The following CRPPA variants were observed in gnomAD, a reference collection of about 807,000 sequenced individuals.
CRPPA encodes the protein CDP-L-ribitol pyrophosphorylase A, also known as D-ribitol-5-phosphate cytidylyltransferase.
Under a neutral mutation model 52.0 loss-of-function variants are expected in CRPPA, and 43 were observed. That is an observed-to-expected ratio of 0.83 (90% CI 0.65 to 1.07). CRPPA has a LOEUF of 1.07. Among genes scored for constraint, CRPPA ranks in the 50% least tolerant of loss-of-function variants. The pLI is 0.00. For synonymous variants in CRPPA, 250 were observed against 203.5 expected (o/e 1.23, Z -1.94); for missense variants, 629 against 551.7 (o/e 1.14, Z -1.40).
intron 4 of CRPPA, among the ~76,000 whole-genome samples, chr7:16,304,938 G>T (rs932899401): frequency 7.9e-5 from 12 of 152,122 alleles, no homozygotes; most frequent in African/African-American, 2.2e-4. Context: ...CAAGTACATG[G>T]CCATGCCATC....
chr7:16,169,983 C>T (rs758882019), intron 9 of CRPPA, among the ~76,000 whole-genome samples: 22 of 152,104 alleles, frequency 1.4e-4, no homozygotes, highest in Non-Finnish European at 2.8e-4. Context: ...TTTTCTGTGA[C>T]CAGCAGCTAG....
At chr7:16,207,951 T>A (rs1467113780) in intron 9 of CRPPA, among the ~76,000 whole-genome samples, 1 of 152,196 alleles carries the variant, frequency 6.6e-6, no homozygotes, top group African/African-American at 2.4e-5. Flanking sequence ...TCTTTTTGTT[T>A]CTATTCCTCT....
chr7:16,363,796 C>A (rs753121905), intron 3 of CRPPA, among the ~76,000 whole-genome samples: 1 of 152,006 alleles, frequency 6.6e-6, no homozygotes, highest in East Asian at 1.9e-4. Flanking sequence ...GTCGTTATTG[C>A]AGACAATACA....
chr7:16,138,659 C>T (rs1233673301), intron 9 of CRPPA, among the ~76,000 whole-genome samples: 2 of 152,056 alleles, frequency 1.3e-5, no homozygotes, highest in African/African-American at 4.8e-5. Context: ...AAAATGTCTA[C>T]ATCTTATAAA....
chr7:16,090,557 A>AG lies in CRPPA; in HGVS notation c.*1137_*1138insC, dbSNP rs1781815779. On this transcript the variant is annotated 3_prime_UTR_variant, in exon 10 of 10. Transcript: ENST00000407010. ...CTTCTCTACTAAAAATACAAAAAAA[A>AG]AAAAAAAAAAAAAAAATTAGCCAGG... 7.1e-6 allele frequency: 1 copy of AG among 141,406 alleles called. No individual in the cohort carries two copies. The highest frequency in any genetic ancestry group is 2.5e-5 in the African/African-American group (1 of 39,910). 8.8% of individuals were successfully genotyped at this position (141,406 alleles called of 1,614,324 possible). A position where few individuals can be genotyped will look rare whatever the true frequency, so the allele number is the denominator to read the frequency against.
chr7:16,286,097 A>AAATATATATATATATAT lies in CRPPA; in HGVS notation c.836-7872_836-7871insATATATATATATATATT. On this transcript the variant is annotated intron_variant, in intron 5 of 9. Coordinates refer to ENST00000407010, the MANE Select transcript of CRPPA (RefSeq NM_001101426.4). The stretch of plus-strand genomic sequence containing the variant: ...TATATATATAATATTTAAAAAAAAA[A>AAATATATATATATATAT]ATATATATATATATATATATGCCAA... Among the ~76,000 whole-genome samples the AAATATATATATATATAT allele has an allele frequency of 2.8e-4, 11 of 39,118 alleles. 1 individual carries two copies. Among genetic ancestry groups the AAATATATATATATATAT allele is most frequent in the Admixed American group, 3.3e-4 (1 of 3,052 alleles). The allele number at this position is 39,118 out of a possible 152,430, so 25.7% of individuals were successfully genotyped here.
intron 3 of CRPPA, among the ~76,000 whole-genome samples, chr7:16,356,865 T>C (rs1201327922): frequency 6.6e-6 from 1 of 152,218 alleles, no homozygotes; most frequent in Non-Finnish European, 1.5e-5. Context: ...AATGATGTTT[T>C]ACATTTAGAG....
At position 16,380,623 on chromosome 7, in the gene CRPPA, A is replaced by C. The variant is rs567131688; in HGVS notation, c.535-4382T>G. Among the ~76,000 whole-genome samples the C allele has an allele frequency of 2.0e-4, 31 of 151,576 alleles. No homozygotes were observed. In the East Asian group the frequency reaches 6.0e-3, roughly 29 times the overall value. On this transcript the variant is annotated intron_variant, in intron 2 of 9. Coordinates refer to ENST00000407010, the MANE Select transcript of CRPPA (RefSeq NM_001101426.4). ...CGGCTGTGAATCCATCTGGTCCTGG[A>C]CTCTTTTTGATTGGTAAGCTATTGA...
chr7:16,133,316 CAA>C (rs35315600), intron 9 of CRPPA, among the ~76,000 whole-genome samples: 1 of 101,408 alleles, frequency 9.9e-6, no homozygotes, highest in Non-Finnish European at 2.2e-5. Flanking sequence ...GCATCTGTCT[CAA>C]AAAAAAAAAA....
intron 5 of CRPPA, among the ~76,000 whole-genome samples, chr7:16,291,291 A>T (rs1784558474): frequency 6.6e-6 from 1 of 151,948 alleles, no homozygotes; most frequent in South Asian, 2.1e-4. Flanking sequence ...ATGTACCCCA[A>T]TGTTTGTTGC....
At chr7:16,123,635 C>A (rs960158167) in intron 9 of CRPPA, among the ~76,000 whole-genome samples, 3 of 152,096 alleles carry the variant, frequency 2.0e-5, no homozygotes, top group African/African-American at 7.2e-5. Context: ...GGGTTGTATG[C>A]CAAATTGTAT....
chr7:16,259,788 A>G (rs1783747422), intron 6 of CRPPA, among the ~76,000 whole-genome samples: 2 of 152,144 alleles, frequency 1.3e-5, no homozygotes, highest in Admixed American at 1.3e-4. Context: ...AGAATGCTTT[A>G]CATTTCATAG....
intron 9 of CRPPA, among the ~76,000 whole-genome samples, chr7:16,099,391 G>C (rs547996638): frequency 1.2e-4 from 14 of 120,526 alleles, no homozygotes; most frequent in Non-Finnish European, 1.8e-5. Flanking sequence ...GGAAGGGGAG[G>C]GGAGAAGGAA....
At chr7:16,175,460 A>G (rs1213122333) in intron 9 of CRPPA, among the ~76,000 whole-genome samples, 1 of 152,126 alleles carries the variant, frequency 6.6e-6, no homozygotes. Flanking sequence ...GCATTATTCC[A>G]GCTCACTCTT....
intron 9 of CRPPA, among the ~76,000 whole-genome samples, chr7:16,198,023 C>T (rs1460365310): frequency 2.9e-4 from 36 of 122,520 alleles, no homozygotes; most frequent in Admixed American, 2.7e-3. Context: ...TGCGGAAGGC[C>T]GCAGGGACCT....
At chr7:16,306,662 T>C (rs1229354942) in intron 4 of CRPPA, among the ~76,000 whole-genome samples, 1 of 152,144 alleles carries the variant, frequency 6.6e-6, no homozygotes, top group Admixed American at 6.5e-5. Context: ...GTTTCCGCCT[T>C]TTTTCTTGGT....
chr7:16,406,039 A>G, intron 2 of CRPPA, 22 bp downstream of exon 2: 1 of 1,606,464 alleles, frequency 6.2e-7, no homozygotes, highest in Non-Finnish European at 8.5e-7. Context: ...CCTTCTATCT[A>G]GACTCAAGAA....
At chr7:16,145,642 T>TG (rs34238820) in intron 9 of CRPPA, among the ~76,000 whole-genome samples, 60,972 of 147,844 alleles carry the variant, frequency 0.41, 13,131 homozygotes, top group Admixed American at 0.51. Context: ...AAAACTATCA[T>TG]AAAAAAAAAA....
At chr7:16,254,800 A>AGAAAGAAAGAAAGAAAGAAG (rs1783578046) in intron 8 of CRPPA, among the ~76,000 whole-genome samples, 4 of 80,112 alleles carry the variant, frequency 5.0e-5, no homozygotes, top group African/African-American at 1.4e-4. Flanking sequence ...AAGGAAAGAA[A>AGAAAGAAAGAAAGAAAGAAG]GAAAGAAAGA....
Sources: gnomAD v4.1 joint callset for allele counts (sites outside exome capture counted in the v4.1 genomes callset) on GRCh38, gnomAD v4.1.1 for gene constraint, MANE v1.5 for transcripts, NCBI Gene and HGNC (gene_info 2026-07-23, HGNC 2026-07-21) for gene names.